The following STPG1 variants were observed in gnomAD, a reference collection of about 807,000 sequenced individuals.
The protein encoded by STPG1 is sperm tail PG-rich repeat containing 1.
In STPG1, 33 loss-of-function variants were observed where a neutral mutation model predicts 40.1. The observed-to-expected ratio is 0.82, with a 90% CI of 0.62 to 1.10. The LOEUF is 1.10. Ranked by LOEUF, STPG1 falls within the 50% of genes least tolerant of loss-of-function variation. STPG1 has a pLI of 0.00. For missense variants in STPG1, 396 were observed against 415.1 expected (o/e 0.95, Z 0.40); for synonymous variants, 150 against 155.0 (o/e 0.97, Z 0.24).
rs372257298 is a variant in STPG1, at chr1:24,401,325, G to T, written c.64C>A (p.Gln22Lys). The change falls in exon 2 of 9, where the codon CAG (glutamine) becomes AAG (lysine). Residue 22 changes from glutamine to lysine, a missense_variant. Physicochemically the swap from Gln to Lys is moderately conservative, Grantham distance 53. Coordinates refer to ENST00000337248, the MANE Select transcript of STPG1 (RefSeq NM_001199013.2). ...GKHPRRASEV[Q>K]KGFTAAYPTQ... The stretch of plus-strand genomic sequence containing the variant: ...CCTGCAAAGACACATGTACCTTTCT[G>T]TACTTCACTGGCACGTCTGGGATGT... 90 of 1,613,966 alleles carry T rather than the reference G, an allele frequency of 5.6e-5. 1 individual carries two copies. The African/African-American group carries it at 1.1e-3, about 20-fold the overall frequency.
At chr1:24,388,488 G>A (rs969837378) in intron 3 of STPG1, among the ~76,000 whole-genome samples, 6 of 152,216 alleles carry the variant, frequency 3.9e-5, no homozygotes, top group African/African-American at 1.4e-4. Flanking sequence ...GTACTCTGCA[G>A]TAAGATTCTC....
At chr1:24,396,270 G>GCTAT (rs369677161) in intron 2 of STPG1, among the ~76,000 whole-genome samples, 4,739 of 127,642 alleles carry the variant, frequency 0.037, 148 homozygotes, top group African/African-American at 0.1. Context: ...TCCATCTATA[G>GCTAT]CTATCTATCT....
intron 1 of STPG1, among the ~76,000 whole-genome samples, chr1:24,412,645 G>C (rs983623896): frequency 6.6e-6 from 1 of 152,166 alleles, no homozygotes; most frequent in African/African-American, 2.4e-5. Flanking sequence ...GATGGCTTGA[G>C]ACAGAAGTTC....
At chr1:24,394,800 G>A (rs1440562674) in intron 2 of STPG1, among the ~76,000 whole-genome samples, 2 of 151,912 alleles carry the variant, frequency 1.3e-5, no homozygotes, top group Non-Finnish European at 2.9e-5. Context: ...AAAAGGACAA[G>A]AAAAAGGATT....
rs1341009118 is a variant in STPG1, at chr1:24,359,961, G to A, written c.928+890C>T. On this transcript the variant is annotated intron_variant, in intron 8 of 8. Transcript: ENST00000337248. This position sits in a 1 kb window ranked among gnomAD's most constrained non-coding sequence, Gnocchi z 5.3. ...TGTAAAAAGAGTGTGGCGCTAGAAG[G>A]TTCAAAAGAGCTGCTCCGTTGGACA... 2.0e-5 allele frequency among the ~76,000 whole-genome samples: 3 copies of A among 151,952 alleles called. No homozygotes were observed. The highest frequency in any genetic ancestry group is 4.4e-5 in the Non-Finnish European group (3 of 67,964).
At chr1:24,369,118 G>A (rs1641606284) in intron 7 of STPG1, 1 of 336,792 alleles carries the variant, frequency 3.0e-6, no homozygotes, top group Non-Finnish European at 5.8e-6. Context: ...AGGTCACAGA[G>A]CATAAAAACA....
intron 5 of STPG1, among the ~76,000 whole-genome samples, chr1:24,376,814 A>G (rs2148692642): frequency 6.6e-6 from 1 of 152,316 alleles, no homozygotes; most frequent in South Asian, 2.1e-4. Context: ...CAAAGGGGCA[A>G]TGGCTAAGCC....
intron 2 of STPG1, chr1:24,391,951 AAGG>A (rs1642791921): frequency 8.8e-7 from 1 of 1,138,732 alleles, no homozygotes; most frequent in East Asian, 5.9e-5. Flanking sequence ...GGAGAAAAGG[AAGG>A]AGATGATAGT....
chr1:24,368,693 C>T (rs1420048804), intron 7 of STPG1: 1 of 152,132 alleles, frequency 6.6e-6, no homozygotes, highest in Admixed American at 6.5e-5. Context: ...CAATGCCAAA[C>T]ATATATTTTA....
chr1:24,369,647 A>T lies in STPG1; in HGVS notation c.737+27T>A, dbSNP rs2148685310. On this transcript the variant is annotated intron_variant, in intron 7 of 8. Coordinates refer to ENST00000337248, the MANE Select transcript of STPG1 (RefSeq NM_001199013.2). ...TTCTTCCCCACAACCACCTTTCAAA[A>T]GAAAGACCAGAATGATTGGGACTCA... 5 of 1,560,024 alleles carry T rather than the reference A, an allele frequency of 3.2e-6. No homozygotes were observed. The South Asian group carries it at 6.0e-5, about 19-fold the overall frequency.
intron 5 of STPG1, 35 bp downstream of exon 5, chr1:24,379,618 G>T: frequency 3.1e-6 from 5 of 1,601,648 alleles, no homozygotes; most frequent in Non-Finnish European, 4.3e-6. Context: ...CCATTAATTC[G>T]ATCTGTATTT....
intron 1 of STPG1, among the ~76,000 whole-genome samples, chr1:24,407,560 C>T (rs1339306315): frequency 6.6e-6 from 1 of 151,952 alleles, no homozygotes; most frequent in Non-Finnish European, 1.5e-5. Context: ...CTGTGTCAGC[C>T]TCCCGAGTAG....
intron 6 of STPG1, among the ~76,000 whole-genome samples, chr1:24,373,401 C>T (rs1326150873): frequency 6.6e-6 from 1 of 152,152 alleles, no homozygotes; most frequent in Admixed American, 6.5e-5. Context: ...TACGAATGTG[C>T]ACATTTCTGA....
chr1:24,387,218 T>C (rs1055896121), intron 3 of STPG1, among the ~76,000 whole-genome samples: 4 of 152,190 alleles, frequency 2.6e-5, no homozygotes, highest in Non-Finnish European at 5.9e-5. Context: ...GGATGGAAGA[T>C]ACAGGCGCAA....
At chr1:24,410,330 G>A (rs770597619) in intron 1 of STPG1, among the ~76,000 whole-genome samples, 3 of 152,168 alleles carry the variant, frequency 2.0e-5, no homozygotes, top group Non-Finnish European at 4.4e-5. Flanking sequence ...GCAATCCATG[G>A]CCGAGCGCTG....
intron 2 of STPG1, among the ~76,000 whole-genome samples, chr1:24,393,217 C>G (rs531022945): frequency 1.3e-5 from 2 of 152,328 alleles, no homozygotes; most frequent in African/African-American, 4.8e-5. Context: ...GCTCAATAAA[C>G]ACGATGGGGA....
At chr1:24,388,160 C>T (rs1335350917) in intron 3 of STPG1, among the ~76,000 whole-genome samples, 3 of 152,128 alleles carry the variant, frequency 2.0e-5, no homozygotes, top group Admixed American at 6.6e-5. Context: ...AAGGGCTTAC[C>T]TACCTATTAC....
At chr1:24,364,560 A>T (rs1641331755) in intron 7 of STPG1, 1 of 1,002,876 alleles carries the variant, frequency 1.0e-6, no homozygotes, top group Admixed American at 4.0e-5. Flanking sequence ...TGAGGCCCCT[A>T]GCCCTATCCC....
rs1033509289 is a variant in STPG1 at position 24,358,279 on chromosome 1, A to G, written c.*264T>C. On this transcript the variant is annotated 3_prime_UTR_variant, in exon 9 of 9. Coordinates refer to ENST00000337248, the MANE Select transcript of STPG1 (RefSeq NM_001199013.2). Reference sequence around the variant, plus strand: ...TGGATGGGTGCGTGGGGAAGCAGCCAGGGGGCTCTGTCCACTCCTCCCTTC... The same window carrying G: ...TGGATGGGTGCGTGGGGAAGCAGCCGGGGGGCTCTGTCCACTCCTCCCTTC... 2 of 650,674 alleles carry G rather than the reference A, an allele frequency of 3.1e-6. No individual in the cohort carries two copies. The highest frequency in any genetic ancestry group is 3.6e-5 in the African/African-American group (2 of 56,116). 40.3% of individuals were successfully genotyped at this position (650,674 alleles called of 1,614,324 possible). A position where few individuals can be genotyped will look rare whatever the true frequency, so the allele number is the denominator to read the frequency against.
Sources: gnomAD v4.1 joint callset for allele counts (sites outside exome capture counted in the v4.1 genomes callset) on GRCh38, gnomAD v4.1.1 for gene constraint, Gnocchi (gnomAD v3.1) non-coding constraint, MANE v1.5 for transcripts, NCBI Gene and HGNC (gene_info 2026-07-23, HGNC 2026-07-21) for gene names.